Variants in SLIT3 observed in about 807,000 individuals in gnomAD.
The protein encoded by SLIT3 is slit guidance ligand 3.
Under a neutral mutation model 184.0 loss-of-function variants are expected in SLIT3, and 68 were observed. The observed-to-expected ratio is 0.37, with a 90% confidence interval of 0.30 to 0.45. The LOEUF is 0.45. SLIT3 is among the 20% of genes least tolerant of loss of function. The pLI, the probability that SLIT3 is intolerant of heterozygous loss-of-function variation, is 1.00. For missense variants in SLIT3, 1,707 were observed against 2,026.0 expected, an observed-to-expected ratio of 0.84 and a Z score of 3.02; for synonymous variants, 831 against 828.6, an observed-to-expected ratio of 1.00 and a Z score of -0.05.
chr5:168,901,007 C>T (rs1425911141), intron 4 of SLIT3, among the ~76,000 whole-genome samples: 3 of 152,124 alleles, frequency 2.0e-5, no homozygotes, highest in Non-Finnish European at 4.4e-5. Context: ...GTACAATGTA[C>T]GTTACTGGGG....
chr5:168,895,975 T>C (rs1760645684), intron 4 of SLIT3, among the ~76,000 whole-genome samples: 1 of 152,196 alleles, frequency 6.6e-6, no homozygotes, highest in Non-Finnish European at 1.5e-5. Flanking sequence ...GCCACTAGTC[T>C]CGTGCCAAAT....
intron 23 of SLIT3, among the ~76,000 whole-genome samples, chr5:168,719,479 AT>A (rs1740326778): frequency 6.6e-6 from 1 of 152,216 alleles, no homozygotes; most frequent in African/African-American, 2.4e-5. Flanking sequence ...ACAAGTTATA[AT>A]TGTAACATAT....
chr5:169,099,523 A>G (rs1380730014), intron 4 of SLIT3, among the ~76,000 whole-genome samples: 1 of 152,198 alleles, frequency 6.6e-6, no homozygotes, highest in East Asian at 1.9e-4. Context: ...ACTGTTTTCT[A>G]GACTTTATGC....
chr5:168,901,000 C>A (rs1382142388), intron 4 of SLIT3, among the ~76,000 whole-genome samples: 1 of 152,096 alleles, frequency 6.6e-6, no homozygotes, highest in Non-Finnish European at 1.5e-5. Flanking sequence ...TTAACGGGTA[C>A]AATGTACGTT....
chr5:169,021,138 G>C (rs1756580903), intron 4 of SLIT3, among the ~76,000 whole-genome samples: 1 of 152,124 alleles, frequency 6.6e-6, no homozygotes, highest in Non-Finnish European at 1.5e-5. Flanking sequence ...TCTGTCTATA[G>C]ATATATAGAT....
At chr5:169,268,512 A>C (rs751322332) in intron 1 of SLIT3, among the ~76,000 whole-genome samples, 3 of 152,172 alleles carry the variant, frequency 2.0e-5, no homozygotes, top group Non-Finnish European at 2.9e-5. Context: ...AATGAGATAT[A>C]AACTCCTTGA....
intron 4 of SLIT3, among the ~76,000 whole-genome samples, chr5:169,023,417 A>G (rs1756679702): frequency 6.6e-6 from 1 of 152,142 alleles, no homozygotes; most frequent in Non-Finnish European, 1.5e-5. Flanking sequence ...GGATAATTGT[A>G]AGACTAAAGC....
intron 4 of SLIT3, among the ~76,000 whole-genome samples, chr5:168,975,083 C>G (rs941929399): frequency 6.6e-6 from 1 of 152,164 alleles, no homozygotes; most frequent in African/African-American, 2.4e-5. Context: ...ACAGACCCCC[C>G]TACTGAGCAA....
At chr5:169,028,229 G>C (rs1293047602) in intron 4 of SLIT3, among the ~76,000 whole-genome samples, 2 of 144,878 alleles carry the variant, frequency 1.4e-5, no homozygotes, top group East Asian at 4.1e-4. Context: ...CCAAATGTTT[G>C]GTTATTAGTG....
intron 3 of SLIT3, among the ~76,000 whole-genome samples, chr5:169,214,459 T>G (rs1381003484): frequency 6.6e-6 from 1 of 152,118 alleles, no homozygotes; most frequent in Admixed American, 6.5e-5. Flanking sequence ...AACCAAGGCT[T>G]GTCTGGGAAA....
At chr5:168,780,365 T>C (rs980711264) in intron 12 of SLIT3, among the ~76,000 whole-genome samples, 1 of 152,246 alleles carries the variant, frequency 6.6e-6, no homozygotes, top group African/African-American at 2.4e-5. Flanking sequence ...CCCAGGCTCC[T>C]GCCAAGAAAG....
chr5:169,276,358 G>A (rs571136889), intron 1 of SLIT3, among the ~76,000 whole-genome samples: 35 of 152,318 alleles, frequency 2.3e-4, no homozygotes, highest in African/African-American at 7.7e-4. Flanking sequence ...AATAAGCGGA[G>A]AAAAGTGTGG....
chr5:168,858,399 T>C (rs550687448), intron 5 of SLIT3, among the ~76,000 whole-genome samples: 1 of 152,378 alleles, frequency 6.6e-6, no homozygotes, highest in South Asian at 2.1e-4. Flanking sequence ...GGCAAGTTCA[T>C]TCTACTTTTA....
At chr5:168,893,117 T>C (rs904068997) in intron 4 of SLIT3, among the ~76,000 whole-genome samples, 22 of 152,348 alleles carry the variant, frequency 1.4e-4, no homozygotes, top group Admixed American at 1.1e-3. Flanking sequence ...CATCTGATTG[T>C]AAAGATCTAA....
intron 4 of SLIT3, among the ~76,000 whole-genome samples, chr5:168,947,436 C>T (rs1762515921): frequency 6.6e-6 from 1 of 152,184 alleles, no homozygotes. Context: ...CTGCTCACTG[C>T]TCTCTTTGGC....
At chr5:169,008,232 C>T (rs1158968899) in intron 4 of SLIT3, among the ~76,000 whole-genome samples, 2 of 152,134 alleles carry the variant, frequency 1.3e-5, no homozygotes, top group Non-Finnish European at 2.9e-5. Context: ...AACATTGGGT[C>T]TCATAGAAAA....
intron 1 of SLIT3, among the ~76,000 whole-genome samples, chr5:169,254,098 G>T (rs1047298686): frequency 2.0e-5 from 3 of 151,700 alleles, no homozygotes; most frequent in African/African-American, 7.3e-5. Context: ...ACTCCACACA[G>T]CTGGGTCTGG....
At chr5:168,834,655 C>T (rs1757984061) in intron 6 of SLIT3, among the ~76,000 whole-genome samples, 1 of 126,296 alleles carries the variant, frequency 7.9e-6, no homozygotes, top group Admixed American at 9.9e-5. Context: ...CCACTGCACT[C>T]CAGCCTGGGA....
At chr5:168,783,422 T>G (rs1430284982) in intron 12 of SLIT3, among the ~76,000 whole-genome samples, 1 of 149,056 alleles carries the variant, frequency 6.7e-6, no homozygotes, top group African/African-American at 2.5e-5. Flanking sequence ...TCCAGAGGAG[T>G]GGGGGAAGAT....
Sources: gnomAD v4.1 joint callset for allele counts (sites outside exome capture counted in the v4.1 genomes callset) on GRCh38, gnomAD v4.1.1 for gene constraint, MANE v1.5 for transcripts, NCBI Gene and HGNC (gene_info 2026-07-23, HGNC 2026-07-21) for gene names.